The following LOC400499 variants were observed in gnomAD, a reference collection of about 807,000 sequenced individuals.
the LOC400499 span, among the ~76,000 whole-genome samples, chr16:11,505,428 T>C: frequency 1.3e-5 from 2 of 150,660 alleles, no homozygotes; most frequent in South Asian, 4.2e-4. Context: ...TTATTTGATT[T>C]TTTTAATTTT....
chr16:11,414,409 T>C, the LOC400499 span: 3 of 399,710 alleles, frequency 7.5e-6, no homozygotes, highest in Non-Finnish European at 1.3e-5. Flanking sequence ...GGCCACCAGC[T>C]GCAGTGGGCC....
the LOC400499 span, among the ~76,000 whole-genome samples, chr16:11,481,421 A>G: frequency 1.3e-5 from 2 of 151,880 alleles, no homozygotes; most frequent in African/African-American, 4.8e-5. Flanking sequence ...CTCTTGGGTT[A>G]AAGCGATTCT....
At chr16:11,384,352 G>T in the LOC400499 span, 2 of 1,191,238 alleles carry the variant, frequency 1.7e-6, no homozygotes, top group East Asian at 6.3e-5. Context: ...AGCGGAGGCC[G>T]GCCGTAAGAC....
At chr16:11,390,211 G>A in the LOC400499 span, 6 of 1,232,424 alleles carry the variant, frequency 4.9e-6, no homozygotes, top group Non-Finnish European at 6.1e-6. Context: ...GCCTGGAGAG[G>A]GAGGGGACAG....
At chr16:11,404,348 G>A in the LOC400499 span, among the ~76,000 whole-genome samples, 1 of 152,118 alleles carries the variant, frequency 6.6e-6, no homozygotes, top group Non-Finnish European at 1.5e-5. Context: ...ATATGCAGGT[G>A]CTCAGTCATG....
At chr16:11,498,296 C>A in the LOC400499 span, among the ~76,000 whole-genome samples, 1 of 152,132 alleles carries the variant, frequency 6.6e-6, no homozygotes, top group Non-Finnish European at 1.5e-5. Context: ...GCCTGGCCAA[C>A]ATGGTGAAAT....
chr16:11,497,538 G>C, the LOC400499 span, among the ~76,000 whole-genome samples: 1 of 152,220 alleles, frequency 6.6e-6, no homozygotes, highest in African/African-American at 2.4e-5. Flanking sequence ...GCTCGGGCCT[G>C]TCCCAGACCA....
At chr16:11,501,035 G>A in the LOC400499 span, 37 of 398,190 alleles carry the variant, frequency 9.3e-5, 2 homozygotes, top group South Asian at 4.0e-3. Context: ...GAAGTCACCC[G>A]GGGGTAAACT....
the LOC400499 span, among the ~76,000 whole-genome samples, chr16:11,397,224 A>G: frequency 2.6e-5 from 4 of 152,194 alleles, no homozygotes; most frequent in African/African-American, 9.7e-5. Context: ...GGAAAAGATA[A>G]GGGGTGGGAA....
chr16:11,405,039 C>G, the LOC400499 span, among the ~76,000 whole-genome samples: 3 of 152,164 alleles, frequency 2.0e-5, no homozygotes, highest in Non-Finnish European at 2.9e-5. Context: ...TAAGGATGAG[C>G]AGATAATTTA....
At chr16:11,518,882 C>CA in the LOC400499 span, 2 of 399,152 alleles carry the variant, frequency 5.0e-6, no homozygotes, top group Non-Finnish European at 8.8e-6. Context: ...GTCCCAGCCC[C>CA]ATGGCCAAGT....
the LOC400499 span, chr16:11,487,112 T>C: frequency 8.3e-4 from 327 of 396,130 alleles, 2 homozygotes; most frequent in African/African-American, 6.0e-3. Flanking sequence ...TATGGACATA[T>C]CTATGGGCAG....
At chr16:11,392,405 G>A in the LOC400499 span, 10 of 398,916 alleles carry the variant, frequency 2.5e-5, no homozygotes, top group South Asian at 3.8e-4. Flanking sequence ...GCGTCCCAGC[G>A]GCTGGGAGGG....
the LOC400499 span, among the ~76,000 whole-genome samples, chr16:11,384,731 A>G: frequency 6.6e-6 from 1 of 152,218 alleles, no homozygotes; most frequent in African/African-American, 2.4e-5. Context: ...GCATGAGGCT[A>G]GATGAGGAGT....
chr16:11,513,843 T>A, the LOC400499 span, among the ~76,000 whole-genome samples: 4 of 152,108 alleles, frequency 2.6e-5, no homozygotes, highest in Non-Finnish European at 5.9e-5. Flanking sequence ...CCACAGTAAA[T>A]CCTTCCAAAG....
chr16:11,489,043 G>A, the LOC400499 span, among the ~76,000 whole-genome samples: 35 of 152,222 alleles, frequency 2.3e-4, no homozygotes, highest in African/African-American at 7.7e-4. Flanking sequence ...CAGCCAACAA[G>A]TCGTGCCTGA....
the LOC400499 span, among the ~76,000 whole-genome samples, chr16:11,383,325 C>CCAAAGTGCTGGG: frequency 5.4e-4 from 83 of 152,308 alleles, 1 homozygote; most frequent in African/African-American, 1.8e-3. Flanking sequence ...CCTCAGCCTC[C>CCAAAGTGCTGGG]CAAAGTGCTG....
the LOC400499 span, among the ~76,000 whole-genome samples, chr16:11,419,636 A>T: frequency 6.6e-6 from 1 of 152,224 alleles, no homozygotes; most frequent in Non-Finnish European, 1.5e-5. Flanking sequence ...CTGCACGGCA[A>T]AAGAAACTAC....
the LOC400499 span, among the ~76,000 whole-genome samples, chr16:11,503,094 T>C: frequency 2.7e-5 from 4 of 150,718 alleles, no homozygotes; most frequent in African/African-American, 7.4e-5. Context: ...GCTAATTTTT[T>C]TGTATTTTTC....
Sources: allele counts gnomAD v4.1 joint callset (sites outside exome capture counted in the v4.1 genomes callset), GRCh38; gene constraint gnomAD v4.1.1; transcripts MANE v1.5.